The following KCNT2 variants were observed in gnomAD, a reference collection of about 807,000 sequenced individuals.
KCNT2 encodes the protein potassium sodium-activated channel subfamily T member 2.
KCNT2 carries 67 observed loss-of-function variants against 153.8 expected under a neutral mutation model. The observed-to-expected ratio is 0.44, with a 90% CI of 0.36 to 0.53. The LOEUF (loss-of-function observed/expected upper bound fraction) is 0.53, where lower values mean the gene tolerates loss of function less well. Among genes scored for constraint, KCNT2 ranks in the 20% least tolerant of loss-of-function variants. The pLI is 0.00. For missense variants in KCNT2, 975 were observed against 1,354.8 expected, an observed-to-expected ratio of 0.72 and a Z score of 4.40; for synonymous variants, 500 against 458.8, an observed-to-expected ratio of 1.09 and a Z score of -1.15.
chr1:196,574,412 G>C (rs1471955724), intron 1 of KCNT2, among the ~76,000 whole-genome samples: 1 of 151,676 alleles, frequency 6.6e-6, no homozygotes, highest in East Asian at 1.9e-4. Context: ...TCTCATTTTA[G>C]AAAGGAATCA....
At position 196,425,838 on chromosome 1, in the gene KCNT2, G is replaced by T. The variant is rs1005753820; in HGVS notation, c.1121+14C>A. The T allele has an allele frequency of 2.5e-6, 4 of 1,609,112 alleles. No individual in the cohort carries two copies. Among genetic ancestry groups the T allele is most frequent in the Non-Finnish European group, 3.4e-6 (4 of 1,177,614 alleles). ...AAAACTGTAAGCTGCAAGATGAAAG[G>T]CAGGGATACCTACTTTGCTCTCAAT... On this transcript the variant is annotated intron_variant, in intron 11 of 27. Transcript: ENST00000294725.
intron 1 of KCNT2, among the ~76,000 whole-genome samples, chr1:196,560,482 A>G (rs1659233414): frequency 6.6e-6 from 1 of 151,932 alleles, no homozygotes; most frequent in Admixed American, 6.6e-5. Flanking sequence ...TGAAATGTAT[A>G]TAAGTCCTTT....
rs1366253955 is a variant in KCNT2, at chr1:196,429,728, A to G, written c.668T>C (p.Ile223Thr). The G allele has an allele frequency of 6.2e-7, 1 of 1,608,270 alleles. No individual in the cohort carries two copies. Among genetic ancestry groups the G allele is most frequent in the Non-Finnish European group, 8.5e-7 (1 of 1,177,882 alleles). ...GTCAAAGAGATTCAGCTTCTTTCCTATTCGTTCCAGATGTTGGATCCCACA... is the reference window on the plus strand; with the variant it reads ...GTCAAAGAGATTCAGCTTCTTTCCTGTTCGTTCCAGATGTTGGATCCCACA... ...CICGIQHLERIGKKLNLFDSL... is the reference protein window; with the variant it reads ...CICGIQHLERTGKKLNLFDSL... The change falls in exon 9 of 28, where the codon ATA (isoleucine) becomes ACA (threonine). Residue 223 changes from isoleucine (I) to threonine (T), a missense_variant. Physicochemically the swap from Ile to Thr is moderately conservative, Grantham distance 89. This residue lies in a region of KCNT2 where 202 missense variants were observed against 314.9 expected (regional missense o/e 0.64). Coordinates refer to ENST00000294725, the MANE Select transcript of KCNT2 (RefSeq NM_198503.5).
intron 5 of KCNT2, among the ~76,000 whole-genome samples, chr1:196,472,629 C>T (rs1678195894): frequency 6.6e-6 from 1 of 152,118 alleles, no homozygotes; most frequent in African/African-American, 2.4e-5. Context: ...TATAGTATGT[C>T]TAAAGCAAAA....
chr1:196,477,210 G>A (rs1471431870), intron 5 of KCNT2, among the ~76,000 whole-genome samples: 2 of 151,968 alleles, frequency 1.3e-5, no homozygotes, highest in African/African-American at 2.4e-5. Flanking sequence ...TGAAAAAAGG[G>A]TGAGTTTGTA....
chr1:196,513,751 A>T (rs1264808694), intron 1 of KCNT2, among the ~76,000 whole-genome samples: 1 of 152,164 alleles, frequency 6.6e-6, no homozygotes, highest in Non-Finnish European at 1.5e-5. Flanking sequence ...AGTACTTATT[A>T]TAATGTGTTG....
At chr1:196,493,705 G>A (rs1164038171) in intron 1 of KCNT2, among the ~76,000 whole-genome samples, 1 of 151,778 alleles carries the variant, frequency 6.6e-6, no homozygotes, top group Admixed American at 6.6e-5. Context: ...CCCTTCCCCA[G>A]GCCCCATTGT....
intron 1 of KCNT2, among the ~76,000 whole-genome samples, chr1:196,589,281 A>G (rs779930905): frequency 6.9e-6 from 1 of 144,298 alleles, no homozygotes; most frequent in African/African-American, 2.5e-5. Context: ...GTGTGTGTGC[A>G]CACGTGAATA....
intron 8 of KCNT2, among the ~76,000 whole-genome samples, chr1:196,442,878 T>C (rs1675365192): frequency 6.6e-6 from 1 of 151,760 alleles, no homozygotes; most frequent in African/African-American, 2.4e-5. Context: ...ATCATATTTG[T>C]CTATCACAAA....
chr1:196,381,750 C>G (rs1338204596), intron 13 of KCNT2, among the ~76,000 whole-genome samples: 4 of 152,142 alleles, frequency 2.6e-5, no homozygotes, highest in African/African-American at 7.2e-5. Context: ...ATCCATTACA[C>G]TGAACTGATG....
At chr1:196,310,161 T>A (rs1662025410) in intron 21 of KCNT2, among the ~76,000 whole-genome samples, 1 of 151,856 alleles carries the variant, frequency 6.6e-6, no homozygotes, top group South Asian at 2.1e-4. Context: ...TATGACACAT[T>A]ATTCAAAATA....
chr1:196,294,415 A>G (rs1275944478), intron 22 of KCNT2, among the ~76,000 whole-genome samples: 1 of 152,076 alleles, frequency 6.6e-6, no homozygotes, highest in Non-Finnish European at 1.5e-5. Context: ...AGTTGGGATT[A>G]CAGACACGCG....
At chr1:196,268,090 A>C (rs1657717514) in intron 25 of KCNT2, among the ~76,000 whole-genome samples, 1 of 152,190 alleles carries the variant, frequency 6.6e-6, no homozygotes, top group South Asian at 2.1e-4. Context: ...GCAGGGAATC[A>C]TTTGAGCACT....
intron 3 of KCNT2, among the ~76,000 whole-genome samples, chr1:196,482,901 A>G (rs1679125262): frequency 6.6e-6 from 1 of 152,168 alleles, no homozygotes; most frequent in East Asian, 1.9e-4. Flanking sequence ...GACAAGGAGT[A>G]ATCATCTTTA....
intron 14 of KCNT2, among the ~76,000 whole-genome samples, chr1:196,357,691 T>C (rs988452396): frequency 6.6e-6 from 1 of 151,762 alleles, no homozygotes; most frequent in Non-Finnish European, 1.5e-5. Flanking sequence ...CTAGTAGAGG[T>C]AGTATTGTTC....
intron 8 of KCNT2, among the ~76,000 whole-genome samples, chr1:196,455,153 G>A (rs1001970161): frequency 2.6e-5 from 4 of 151,664 alleles, no homozygotes; most frequent in African/African-American, 7.3e-5. Context: ...TTTATTTGAC[G>A]CCAGCCCCAC....
At chr1:196,248,064 T>C (rs1655612603) in intron 26 of KCNT2, among the ~76,000 whole-genome samples, 1 of 152,102 alleles carries the variant, frequency 6.6e-6, no homozygotes, top group African/African-American at 2.4e-5. Context: ...TCAATGAAGA[T>C]ATTAAGAAGG....
chr1:196,351,419 C>T (rs867268568), intron 14 of KCNT2, among the ~76,000 whole-genome samples: 7 of 152,092 alleles, frequency 4.6e-5, no homozygotes, highest in Non-Finnish European at 4.4e-5. Flanking sequence ...AGGTCCTTCA[C>T]GTCCCTTGTA....
chr1:196,603,118 A>G (rs1434465651), intron 1 of KCNT2, among the ~76,000 whole-genome samples: 1 of 152,076 alleles, frequency 6.6e-6, no homozygotes, highest in Non-Finnish European at 1.5e-5. Flanking sequence ...TATCTGTTTA[A>G]GTTTCTAATT....
Sources: allele counts gnomAD v4.1 joint callset (sites outside exome capture counted in the v4.1 genomes callset), GRCh38; gene constraint gnomAD v4.1.1; regional missense constraint gnomAD v4.1.1; transcripts MANE v1.5; gene names NCBI Gene and HGNC (gene_info 2026-07-23, HGNC 2026-07-21).